EYA1: variants seen among roughly 807,000 people sequenced by gnomAD.
EYA1 encodes the protein EYA transcriptional coactivator and phosphatase 1, also known as protein phosphatase EYA1.
Under a neutral mutation model 82.0 loss-of-function variants are expected in EYA1, and 16 were observed. That is an observed-to-expected ratio of 0.20 (90% CI 0.13 to 0.30). The LOEUF (loss-of-function observed/expected upper bound fraction) is 0.30. Ranked by LOEUF, EYA1 falls within the 10% of genes least tolerant of loss-of-function variation. The pLI, the probability that EYA1 is intolerant of heterozygous loss-of-function variation, is 1.00. For missense variants in EYA1, 633 were observed against 730.7 expected, an observed-to-expected ratio of 0.87 and a Z score of 1.54; for synonymous variants, 261 against 264.4, an observed-to-expected ratio of 0.99 and a Z score of 0.12.
At chr8:71,233,520 T>C (rs377003988) in intron 12 of EYA1, among the ~76,000 whole-genome samples, 322 of 147,544 alleles carry the variant, frequency 2.2e-3, no homozygotes, top group African/African-American at 7.3e-3. Context: ...GCCGAGATTG[T>C]GCCACTGCAC....
intron 11 of EYA1, among the ~76,000 whole-genome samples, chr8:71,248,100 T>C (rs1293377360): frequency 2.6e-5 from 4 of 152,352 alleles, no homozygotes; most frequent in Non-Finnish European, 4.4e-5. Flanking sequence ...AGAATACTAA[T>C]AAATTTTAAA....
At chr8:71,272,024 C>A in intron 9 of EYA1, 127 bp from the exon 10 acceptor site, 2 of 984,024 alleles carry the variant, frequency 2.0e-6, no homozygotes, top group Non-Finnish European at 3.3e-6. Context: ...AATCCTACAT[C>A]GTCTTTTACT....
At chr8:71,541,169 C>T (rs964163174) in intron 1 of EYA1, among the ~76,000 whole-genome samples, 19 of 152,180 alleles carry the variant, frequency 1.2e-4, no homozygotes, top group Non-Finnish European at 2.6e-4. Context: ...ACCATATACT[C>T]ATCAGTCTTT....
intron 2 of EYA1, among the ~76,000 whole-genome samples, chr8:71,415,548 C>A (rs749626666): frequency 3.9e-5 from 6 of 152,186 alleles, no homozygotes; most frequent in Non-Finnish European, 8.8e-5. Context: ...CTTAGCTACA[C>A]TACATGGTAA....
chr8:71,231,957 T>C (rs1415269139), intron 12 of EYA1, among the ~76,000 whole-genome samples: 1 of 152,218 alleles, frequency 6.6e-6, no homozygotes, highest in Admixed American at 6.5e-5. Context: ...CCCCGCTCCA[T>C]AGCATCCTTG....
intron 2 of EYA1, among the ~76,000 whole-genome samples, chr8:71,455,739 T>C (rs915541814): frequency 6.6e-6 from 1 of 152,142 alleles, no homozygotes; most frequent in African/African-American, 2.4e-5. Context: ...ATAAATTCAG[T>C]ATTGATGGGA....
intron 1 of EYA1, among the ~76,000 whole-genome samples, chr8:71,358,947 A>C (rs947972463): frequency 6.6e-6 from 1 of 152,168 alleles, no homozygotes; most frequent in Non-Finnish European, 1.5e-5. Context: ...ACACCCATAA[A>C]CTTAGCATGT....
At position 71,269,747 on chromosome 8, in the gene EYA1, T is replaced by C; in HGVS notation, c.1043A>G (p.Tyr348Cys). The C allele has an allele frequency of 6.2e-7, 1 of 1,613,284 alleles. No individual in the cohort carries two copies. The highest frequency in any genetic ancestry group is 8.5e-7 in the Non-Finnish European group (1 of 1,179,330). ...ATGCCTCTTGGTACTCACCCTCCCATATCTGTTGGCGTAGGACCCAGTAAG... is the reference window on the plus strand; with the variant it reads ...ATGCCTCTTGGTACTCACCCTCCCACATCTGTTGGCGTAGGACCCAGTAAG... ...SLLTGSYANR[Y>C]GRDPPTSVSL... Residue 348 changes from tyrosine to cysteine, a missense_variant, in exon 11 of 18, where the codon TAT becomes TGT. By Grantham distance (194) the Tyr-to-Cys change is radical. Transcript: ENST00000340726.
At chr8:71,294,459 A>AAAACAAAC (rs144271740) in intron 9 of EYA1, among the ~76,000 whole-genome samples, 1 of 135,120 alleles carries the variant, frequency 7.4e-6, no homozygotes, top group Non-Finnish European at 1.7e-5. Flanking sequence ...TCCGTCTCAA[A>AAAACAAAC]AAACAAACAA....
At chr8:71,402,253 C>T (rs1000784739) in intron 2 of EYA1, among the ~76,000 whole-genome samples, 8 of 152,088 alleles carry the variant, frequency 5.3e-5, no homozygotes, top group Non-Finnish European at 1.2e-4. Context: ...GTTTTTTTCC[C>T]CTCCACTTGC....
intron 2 of EYA1, among the ~76,000 whole-genome samples, chr8:71,415,546 C>T (rs11993568): frequency 0.024 from 3,690 of 152,304 alleles, 147 homozygotes; most frequent in African/African-American, 0.081. Flanking sequence ...CTCTTAGCTA[C>T]ACTACATGGT....
At chr8:71,457,788 A>T (rs930494172) in intron 2 of EYA1, among the ~76,000 whole-genome samples, 1 of 152,182 alleles carries the variant, frequency 6.6e-6, no homozygotes, top group Non-Finnish European at 1.5e-5. Flanking sequence ...AATGTAAATG[A>T]TGAGTTAATG....
intron 3 of EYA1, among the ~76,000 whole-genome samples, chr8:71,334,564 T>A (rs1203935238): frequency 6.6e-6 from 1 of 152,168 alleles, no homozygotes; most frequent in Non-Finnish European, 1.5e-5. Context: ...AACAGAAAGA[T>A]GTGGGGAAGC....
intron 2 of EYA1, among the ~76,000 whole-genome samples, chr8:71,371,440 T>A (rs879494556): frequency 5.9e-5 from 9 of 152,238 alleles, no homozygotes; most frequent in Non-Finnish European, 7.4e-5. Flanking sequence ...AAAGGAAAGA[T>A]CTAAATCACT....
At chr8:71,248,760 ACG>A (rs1356480205) in intron 11 of EYA1, among the ~76,000 whole-genome samples, 1 of 152,238 alleles carries the variant, frequency 6.6e-6, no homozygotes, top group Non-Finnish European at 1.5e-5. Context: ...AATAGCTAAT[ACG>A]TTAACACTGT....
chr8:71,433,311 T>C (rs565194338), intron 2 of EYA1, among the ~76,000 whole-genome samples: 2 of 152,358 alleles, frequency 1.3e-5, no homozygotes, highest in Admixed American at 6.5e-5. Flanking sequence ...CAGGACTTTC[T>C]AGCTTCTTTT....
chr8:71,259,648 G>T (rs997882289), intron 11 of EYA1, among the ~76,000 whole-genome samples: 2 of 152,152 alleles, frequency 1.3e-5, no homozygotes, highest in Non-Finnish European at 2.9e-5. Context: ...ATTCAGAAAT[G>T]ATCTTCTTGA....
chr8:71,368,973 G>A (rs1019044871), intron 2 of EYA1, among the ~76,000 whole-genome samples: 62 of 149,738 alleles, frequency 4.1e-4, no homozygotes, highest in Admixed American at 1.1e-3. Flanking sequence ...TGGATCACAA[G>A]GTCAGGAGTT....
chr8:71,430,906 A>G (rs914060219), intron 2 of EYA1, among the ~76,000 whole-genome samples: 2 of 86,396 alleles, frequency 2.3e-5, no homozygotes, highest in Admixed American at 1.2e-4. Context: ...GAAAGGAGAA[A>G]AAAAAAAAAA....
Sources: gnomAD v4.1 joint callset for allele counts (sites outside exome capture counted in the v4.1 genomes callset) on GRCh38, gnomAD v4.1.1 for gene constraint, MANE v1.5 for transcripts, NCBI Gene and HGNC (gene_info 2026-07-23, HGNC 2026-07-21) for gene names.